The following CR1L variants were observed in gnomAD, a reference collection of about 807,000 sequenced individuals.
CR1L encodes the protein complement C3b/C4b receptor 1 like, also known as complement component receptor 1-like protein.
Under a neutral mutation model 62.3 loss-of-function variants are expected in CR1L, and 59 were observed. The ratio of observed to expected loss-of-function variants is 0.95; its 90% CI spans 0.77 to 1.18. CR1L has a LOEUF of 1.18. Ranked by LOEUF, CR1L falls within the 50% of genes most tolerant of loss-of-function variation. CR1L has a pLI of 0.00. For missense variants in CR1L, 700 were observed against 702.8 expected (o/e 1.00, Z 0.04); for synonymous variants, 279 against 248.7 (o/e 1.12, Z -1.15).
At chr1:207,649,362 G>A (rs1382545952) in intron 1 of CR1L, among the ~76,000 whole-genome samples, 1 of 152,196 alleles carries the variant, frequency 6.6e-6, no homozygotes, top group African/African-American at 2.4e-5. Flanking sequence ...AGGGTGAGCA[G>A]TTCTAAAAAG....
chr1:207,717,286 C>T (rs1212451328), intron 10 of CR1L, among the ~76,000 whole-genome samples, 178 bp from the exon 11 acceptor site: 1 of 152,152 alleles, frequency 6.6e-6, no homozygotes, highest in African/African-American at 2.4e-5. Flanking sequence ...TAATTTAGGT[C>T]TCACAACAGT....
intron 1 of CR1L, among the ~76,000 whole-genome samples, chr1:207,662,120 G>A (rs1269502612): frequency 1.3e-5 from 2 of 152,030 alleles, no homozygotes; most frequent in Admixed American, 1.3e-4. Flanking sequence ...TGACAATTAT[G>A]TGTCTTGGAG....
chr1:207,686,134 CCCTTCCTT>C (rs1174390747), intron 4 of CR1L, among the ~76,000 whole-genome samples: 14 of 9,206 alleles, frequency 1.5e-3, no homozygotes, highest in African/African-American at 4.3e-3. Flanking sequence ...CTTCCTCCCT[CCCTTCCTT>C]CCTTCCTTCC....
intron 3 of CR1L, among the ~76,000 whole-genome samples, chr1:207,683,463 G>A (rs1663839917): frequency 6.6e-6 from 1 of 152,016 alleles, no homozygotes; most frequent in African/African-American, 2.4e-5. Flanking sequence ...ACTGATAAAA[G>A]CCCATCCATG....
intron 1 of CR1L, among the ~76,000 whole-genome samples, chr1:207,672,843 T>A (rs1663634301): frequency 6.6e-6 from 1 of 152,150 alleles, no homozygotes; most frequent in Non-Finnish European, 1.5e-5. Context: ...CTGGTTTACA[T>A]ATGCTCGGAT....
At position 207,653,478 on chromosome 1, in the gene CR1L, T is replaced by G. The variant is rs74587156; in HGVS notation, c.97+8148T>G. On this transcript the variant is annotated intron_variant, in intron 1 of 11. Coordinates refer to ENST00000508064, the MANE Select transcript of CR1L (RefSeq NM_175710.2). The stretch of plus-strand genomic sequence containing the variant: ...TCCTTCACAACTGAGTGTCCCCTAT[T>G]TAAATCTGCAAACTCTTAGAGTTAA... 8.9e-3 allele frequency among the ~76,000 whole-genome samples: 1,357 copies of G among 152,316 alleles called. 20 individuals are homozygous for G. The highest frequency in any genetic ancestry group is 0.012 in the Non-Finnish European group (837 of 68,018).
At chr1:207,687,611 T>C (rs1357000436) in intron 4 of CR1L, among the ~76,000 whole-genome samples, 2 of 152,212 alleles carry the variant, frequency 1.3e-5, no homozygotes, top group Non-Finnish European at 2.9e-5. Flanking sequence ...GGTACTCTTC[T>C]GTGTCCGGCT....
intron 4 of CR1L, among the ~76,000 whole-genome samples, chr1:207,690,207 A>G (rs1467079094): frequency 6.6e-6 from 1 of 151,866 alleles, no homozygotes; most frequent in Non-Finnish European, 1.5e-5. Flanking sequence ...TTCAACCTTT[A>G]TTTTTCTAAT....
At chr1:207,696,649 T>C (rs1162766879) in intron 5 of CR1L, among the ~76,000 whole-genome samples, 5 of 152,174 alleles carry the variant, frequency 3.3e-5, no homozygotes, top group Non-Finnish European at 7.3e-5. Context: ...AATCCCCCAT[T>C]TGATGCTTGA....
chr1:207,710,799 G>T (rs1425723095), intron 10 of CR1L: 158 of 1,554,598 alleles, frequency 1.0e-4, no homozygotes, highest in East Asian at 4.3e-4. Flanking sequence ...GTTTGCCTGA[G>T]GCCTAGAAGG....
At chr1:207,721,740 A>G (rs1399038154) in intron 11 of CR1L, among the ~76,000 whole-genome samples, 2 of 151,882 alleles carry the variant, frequency 1.3e-5, no homozygotes, top group Non-Finnish European at 2.9e-5. Flanking sequence ...TGGTATTTCC[A>G]GTTCTAGATC....
chr1:207,654,985 G>A (rs765311389), intron 1 of CR1L, among the ~76,000 whole-genome samples: 6 of 152,070 alleles, frequency 3.9e-5, no homozygotes, highest in African/African-American at 7.2e-5. Flanking sequence ...TTTTGCTCTC[G>A]GCCAATATAC....
chr1:207,685,461 G>A (rs1213246902), intron 4 of CR1L, among the ~76,000 whole-genome samples: 11 of 152,132 alleles, frequency 7.2e-5, no homozygotes, highest in East Asian at 1.9e-4. Flanking sequence ...CACCTTAGTC[G>A]GCTATCCCTC....
At chr1:207,647,778 C>T (rs1192996205) in intron 1 of CR1L, among the ~76,000 whole-genome samples, 4 of 152,212 alleles carry the variant, frequency 2.6e-5, no homozygotes, top group Non-Finnish European at 5.9e-5. Flanking sequence ...TCTGTCTCCC[C>T]TGTTTATGTT....
At chr1:207,655,116 A>AT in intron 1 of CR1L, 1 of 377,244 alleles carries the variant, frequency 2.7e-6, no homozygotes, top group Non-Finnish European at 5.1e-6. Flanking sequence ...AATAAACCAT[A>AT]TAAAAAGTTC....
At chr1:207,710,067 G>A (rs1052640940) in intron 10 of CR1L, among the ~76,000 whole-genome samples, 7 of 152,010 alleles carry the variant, frequency 4.6e-5, no homozygotes, top group East Asian at 1.9e-4. Flanking sequence ...AAACCATGCC[G>A]GGCACGATGG....
intron 1 of CR1L, among the ~76,000 whole-genome samples, chr1:207,666,322 G>A (rs6671969): frequency 0.41 from 61,886 of 151,946 alleles, 12,878 homozygotes; most frequent in African/African-American, 0.48. Context: ...ATTTACTTAT[G>A]CATTACAAAA....
At chr1:207,703,816 T>C (rs886345517) in intron 9 of CR1L, among the ~76,000 whole-genome samples, 1 of 152,144 alleles carries the variant, frequency 6.6e-6, no homozygotes, top group African/African-American at 2.4e-5. Flanking sequence ...TTGGCCAGCA[T>C]GGCAGAATGT....
At chr1:207,672,890 A>G (rs2102454955) in intron 1 of CR1L, among the ~76,000 whole-genome samples, 1 of 152,292 alleles carries the variant, frequency 6.6e-6, no homozygotes, top group Non-Finnish European at 1.5e-5. Context: ...ACTGTTATCT[A>G]AAATAAACTT....
Sources: gnomAD v4.1 joint callset for allele counts (sites outside exome capture counted in the v4.1 genomes callset) on GRCh38, gnomAD v4.1.1 for gene constraint, MANE v1.5 for transcripts, NCBI Gene and HGNC (gene_info 2026-07-23, HGNC 2026-07-21) for gene names.